RXRG: variants seen among roughly 807,000 people sequenced by gnomAD.
RXRG encodes retinoic acid receptor RXR-gamma.
A neutral mutation model predicts 49.2 loss-of-function variants in RXRG; 19 were observed. That is an observed-to-expected ratio of 0.39 (90% CI 0.27 to 0.57). RXRG has a LOEUF of 0.57. RXRG is among the 20% of genes least tolerant of loss of function. RXRG has a pLI of 0.64. For synonymous variants in RXRG, 224 were observed against 216.6 expected (o/e 1.03, Z -0.30); for missense variants, 452 against 592.5 (o/e 0.76, Z 2.46).
chr1:165,445,007 G>T lies in RXRG; in HGVS notation c.-114C>A. On this transcript the variant is annotated 5_prime_UTR_variant, in exon 1 of 10. Coordinates refer to ENST00000359842, the MANE Select transcript of RXRG (RefSeq NM_006917.5). ...ACTTGGGCTAACAAGAGTGGTCATC[G>T]CTTCCTAGCAGCCCGGGGAGCACAG... is the stretch of plus-strand genomic sequence containing the variant. 1 of 944,474 alleles carries T rather than the reference G, an allele frequency of 1.1e-6. No individual in the cohort carries two copies. Among genetic ancestry groups the T allele is most frequent in the Middle Eastern group, 2.2e-4 (1 of 4,626 alleles). 58.5% of individuals were successfully genotyped at this position (944,474 alleles called of 1,614,324 possible).
In RXRG at chr1:165,401,043, G is replaced by A; in HGVS notation, c.*220C>T. The A allele has an allele frequency of 2.1e-6, 1 of 482,618 alleles. No individual in the cohort carries two copies. The highest frequency in any genetic ancestry group is 3.6e-6 in the Non-Finnish European group (1 of 277,210). The allele number at this position is 482,618 out of a possible 1,614,324, so 29.9% of individuals were successfully genotyped here. A position where few individuals can be genotyped will look rare whatever the true frequency, so the allele number is the denominator to read the frequency against. On this transcript the variant is annotated 3_prime_UTR_variant, in exon 10 of 10. Transcript: ENST00000359842. ...TAGTTTTCCCAAGAACTTCCAGAAAGTCTCCCAGCCCTGTAGACAGCAAAG... is the reference window on the plus strand; with the variant it reads ...TAGTTTTCCCAAGAACTTCCAGAAAATCTCCCAGCCCTGTAGACAGCAAAG...
intron 4 of RXRG, among the ~76,000 whole-genome samples, chr1:165,415,087 G>A (rs1658083567): frequency 6.6e-6 from 1 of 152,188 alleles, no homozygotes; most frequent in Non-Finnish European, 1.5e-5. Flanking sequence ...AAGAGACAAG[G>A]AAGGGTTGGG....
rs770620106 is a variant in RXRG, at chr1:165,428,857, T to C, written c.159A>G (p.Pro53=). The C allele has an allele frequency of 6.2e-7, 1 of 1,614,120 alleles. No homozygotes were observed. The highest frequency in any genetic ancestry group is 1.1e-5 in the South Asian group (1 of 91,080). Residue 53 remains proline, a synonymous_variant, in exon 2 of 10, where the codon CCA becomes CCG. Transcript: ENST00000359842. The part of the protein sequence containing the change: ...PSYTDTPVSA[P]RTLSAVGTPL... ...GGGTCCCCACTGCACTCAGAGTCCG[T>C]GGGGCACTCACTGGGGTATCTGTGT...
chr1:165,441,969 G>T (rs1398452451), intron 1 of RXRG, among the ~76,000 whole-genome samples: 1 of 152,204 alleles, frequency 6.6e-6, no homozygotes, highest in Non-Finnish European at 1.5e-5. Context: ...CTGATCAGAT[G>T]ATGCTCTGAC....
Position 165,407,853 on chromosome 1 carries a change from T to TA in RXRG, c.1138+373dup, listed in dbSNP as rs35445056. 2.2e-3 allele frequency among the ~76,000 whole-genome samples: 322 copies of TA among 147,692 alleles called. 2 individuals are homozygous for TA. The highest frequency in any genetic ancestry group is 0.01 in the Middle Eastern group (3 of 290). ...TCCCATTGTTCAGGAAAACAAAACT[T>TA]AAAAAAAAAAAAACCCAGAGAGTCA... On this transcript the variant is annotated intron_variant, in intron 8 of 9. Transcript: ENST00000359842.
intron 8 of RXRG, among the ~76,000 whole-genome samples, chr1:165,407,920 A>G (rs887064958): frequency 6.6e-6 from 1 of 151,816 alleles, no homozygotes. Flanking sequence ...TATTCAATCC[A>G]TCAGCAAATC....
At chr1:165,401,713 T>C (rs555218981) in intron 9 of RXRG, among the ~76,000 whole-genome samples, 9 of 152,248 alleles carry the variant, frequency 5.9e-5, no homozygotes, top group Non-Finnish European at 1.0e-4. Context: ...ACTAGATGAC[T>C]GTGTCCACTC....
chr1:165,437,277 A>C (rs934436970), intron 1 of RXRG: 2 of 1,311,276 alleles, frequency 1.5e-6, no homozygotes, highest in Non-Finnish European at 2.0e-6. Context: ...TGGGCTGTGT[A>C]AGACACCAAG....
At chr1:165,414,953 T>C (rs1029412096) in intron 4 of RXRG, among the ~76,000 whole-genome samples, 1 of 152,224 alleles carries the variant, frequency 6.6e-6, no homozygotes, top group African/African-American at 2.4e-5. Flanking sequence ...ATTAAATGGC[T>C]ACAATGTATT....
chr1:165,401,546 A>T, intron 9 of RXRG, 136 bp from the exon 10 acceptor site: 1 of 922,428 alleles, frequency 1.1e-6, no homozygotes, highest in Non-Finnish European at 1.7e-6. Context: ...CAAGGGGGTC[A>T]CAGAATCTCT....
intron 3 of RXRG, among the ~76,000 whole-genome samples, chr1:165,418,830 GGTGT>G (rs146417298): frequency 0.027 from 4,080 of 152,298 alleles, 87 homozygotes; most frequent in Admixed American, 0.063. Flanking sequence ...GGCTGTGGCT[GGTGT>G]GCTATTATGG....
chr1:165,416,554 T>C lies in RXRG; in HGVS notation c.622+487A>G, dbSNP rs181538447. Reference sequence around the variant, plus strand: ...GCAGACCCAGGTAAAAAAAACTCAGTGAGTGAAATGAAACCTACAGTTTGC... The same window carrying C: ...GCAGACCCAGGTAAAAAAAACTCAGCGAGTGAAATGAAACCTACAGTTTGC... On this transcript the variant is annotated intron_variant, in intron 4 of 9. Transcript: ENST00000359842. 4.6e-5 allele frequency among the ~76,000 whole-genome samples: 7 copies of C among 151,970 alleles called. No homozygotes were observed. In the East Asian group the frequency reaches 1.4e-3, roughly 29 times the overall value.
intron 1 of RXRG, chr1:165,437,064 C>T: frequency 7.6e-7 from 1 of 1,321,252 alleles, no homozygotes; most frequent in Non-Finnish European, 1.0e-6. Context: ...TCAAAATCTC[C>T]TTTGCTCCTC....
rs778028008 is a variant in RXRG, at chr1:165,420,014, G to T, written c.298C>A (p.Leu100Ile). The T allele has an allele frequency of 1.3e-6, 2 of 1,592,388 alleles. No individual in the cohort carries two copies. Among genetic ancestry groups the T allele is most frequent in the South Asian group, 1.1e-5 (1 of 87,942 alleles). ...INLVAPPSSQ[L>I]NVVNSVSSSE... Reference sequence around the variant, plus strand: ...CTGCTGACACTGTTGACCACATTTAGCTGCAAGAGAAAAAAATACTGTAAA... The same window carrying T: ...CTGCTGACACTGTTGACCACATTTATCTGCAAGAGAAAAAAATACTGTAAA... The change falls in exon 3 of 10, where the codon CTA (leucine) becomes ATA (isoleucine). Residue 100 changes from leucine to isoleucine, a missense_variant and splice_region_variant. Around this residue, in one of 2 missense-constraint regions of RXRG, gnomAD observed 166 missense variants for 151.7 expected, o/e 1.09. Coordinates refer to ENST00000359842, the MANE Select transcript of RXRG (RefSeq NM_006917.5).
intron 9 of RXRG, among the ~76,000 whole-genome samples, chr1:165,403,758 A>T (rs531621149): frequency 1.2e-3 from 188 of 152,338 alleles, no homozygotes; most frequent in African/African-American, 4.1e-3. Context: ...ACTTTAAAAA[A>T]TTTTTTTAAC....
At chr1:165,437,027 TG>T (rs1348461771) in intron 1 of RXRG, 52 of 1,230,214 alleles carry the variant, frequency 4.2e-5, no homozygotes, top group South Asian at 6.2e-5. Flanking sequence ...TCTTCTAGGC[TG>T]GTTGCCTGGG....
At chr1:165,437,075 C>A in intron 1 of RXRG, 1 of 1,336,618 alleles carries the variant, frequency 7.5e-7, no homozygotes, top group South Asian at 1.2e-5. Context: ...TTTGCTCCTC[C>A]TTTTCATTTT....
intron 8 of RXRG, among the ~76,000 whole-genome samples, chr1:165,407,400 G>A (rs959743187): frequency 5.3e-5 from 8 of 152,112 alleles, no homozygotes; most frequent in African/African-American, 1.2e-4. Flanking sequence ...GGAGCTGATC[G>A]CCTCCTTCTT....
chr1:165,439,244 T>C (rs1054308174), intron 1 of RXRG, among the ~76,000 whole-genome samples: 2 of 121,290 alleles, frequency 1.6e-5, no homozygotes, highest in Non-Finnish European at 3.3e-5. Context: ...ACCTCCATCA[T>C]TACAGATTTT....
Sources: allele counts gnomAD v4.1 joint callset (sites outside exome capture counted in the v4.1 genomes callset), GRCh38; gene constraint gnomAD v4.1.1; regional missense constraint gnomAD v4.1.1; transcripts MANE v1.5; gene names NCBI Gene and HGNC (gene_info 2026-07-23, HGNC 2026-07-21).